The following CEMIP2 variants were observed in gnomAD, a reference collection of about 807,000 sequenced individuals.
The protein encoded by CEMIP2 is cell surface hyaluronidase CEMIP2.
CEMIP2 carries 79 observed loss-of-function variants against 146.9 expected under a neutral mutation model. The observed-to-expected ratio is 0.54, with a 90% CI of 0.45 to 0.65. The LOEUF is 0.65. Among genes scored for constraint, CEMIP2 ranks in the 30% least tolerant of loss-of-function variants. The probability of loss-of-function intolerance (pLI) is 0.00; values close to 1 mark genes in which losing one functional copy is unlikely to be tolerated. For missense variants in CEMIP2, 1,596 were observed against 1,696.2 expected, an observed-to-expected ratio of 0.94 and a Z score of 1.04; for synonymous variants, 601 against 606.3, an observed-to-expected ratio of 0.99 and a Z score of 0.13.
chr9:71,741,701 T>C (rs1422452302), intron 4 of CEMIP2, among the ~76,000 whole-genome samples: 8 of 134,892 alleles, frequency 5.9e-5, no homozygotes, highest in South Asian at 2.6e-4. Flanking sequence ...TGCAATGGCG[T>C]GATCTCGGCT....
At position 71,745,222 on chromosome 9, in the gene CEMIP2, G is replaced by C; in HGVS notation, c.830C>G (p.Ala277Gly). 4 of 1,613,972 alleles carry C rather than the reference G, an allele frequency of 2.5e-6. No homozygotes were observed. In the South Asian group the frequency reaches 4.4e-5, roughly 18 times the overall value. ...LNVRVIDQDT[A>G]KILESERFDT... ...AAATCTCTCACTTTCCAAAATTTTG[G>C]CCGTGTCTTGGTCAATGACCCTCAC... Residue 277 changes from alanine (A) to glycine (G), a missense_variant, in exon 4 of 24, where the codon GCC becomes GGC. Ala to Gly is a moderately conservative substitution (Grantham distance 60, BLOSUM62 0). Transcript: ENST00000377044.
chr9:71,741,295 T>C (rs1007749278), intron 4 of CEMIP2, among the ~76,000 whole-genome samples: 1 of 143,990 alleles, frequency 6.9e-6, no homozygotes, highest in African/African-American at 2.6e-5. Context: ...CCTCCCAGGT[T>C]CAAGCAATTC....
chr9:71,716,441 G>T, intron 14 of CEMIP2, 76 bp downstream of exon 14: 1 of 1,183,152 alleles, frequency 8.5e-7, no homozygotes, highest in Non-Finnish European at 1.2e-6. Flanking sequence ...AAACATTCCT[G>T]TGTATTATCA....
chr9:71,689,872 T>C (rs1822174756), intron 22 of CEMIP2, among the ~76,000 whole-genome samples: 1 of 152,222 alleles, frequency 6.6e-6, no homozygotes, highest in African/African-American at 2.4e-5. Context: ...TTGCAAAATG[T>C]TGCAACATCC....
At chr9:71,698,282 C>A in intron 19 of CEMIP2, 78 bp from the exon 20 acceptor site, 1 of 1,196,310 alleles carries the variant, frequency 8.4e-7, no homozygotes, top group South Asian at 1.4e-5. Flanking sequence ...CAGCTCATGG[C>A]CAAAAGGGAT....
chr9:71,737,085 G>A (rs1366554188), intron 5 of CEMIP2, among the ~76,000 whole-genome samples: 2 of 150,394 alleles, frequency 1.3e-5, no homozygotes, highest in Non-Finnish European at 3.0e-5. Flanking sequence ...AAGCCCAGGA[G>A]GTCAAGGCTG....
At chr9:71,757,038 G>T (rs2132035307) in intron 1 of CEMIP2, among the ~76,000 whole-genome samples, 1 of 152,296 alleles carries the variant, frequency 6.6e-6, no homozygotes, top group East Asian at 1.9e-4. Context: ...CTGCTGAGAT[G>T]TTAATATGCA....
At chr9:71,766,358 C>A (rs1824796019) in intron 1 of CEMIP2, among the ~76,000 whole-genome samples, 1 of 152,168 alleles carries the variant, frequency 6.6e-6, no homozygotes, top group Admixed American at 6.5e-5. Context: ...CAGGCGTGAG[C>A]CAATTGTGCC....
chr9:71,755,119 T>C (rs1042753753), intron 1 of CEMIP2, among the ~76,000 whole-genome samples: 1 of 150,244 alleles, frequency 6.7e-6, no homozygotes, highest in Non-Finnish European at 1.5e-5. Context: ...TATTTGGTAA[T>C]AAATTACAGT....
rs1413898770 is a variant in CEMIP2 at position 71,690,226 on chromosome 9, G to A, written c.3717C>T (p.Thr1239=). 1 of 1,613,926 alleles carries A rather than the reference G, an allele frequency of 6.2e-7. No homozygotes were observed. The highest frequency in any genetic ancestry group is 2.2e-5 in the East Asian group (1 of 44,888). Residue 1239 remains threonine (T), a synonymous_variant, in exon 22 of 24, where the codon ACC becomes ACT. Coordinates refer to ENST00000377044, the MANE Select transcript of CEMIP2 (RefSeq NM_013390.3). Reference sequence around the variant, plus strand: ...GGAGGAGGACGCCTGCACTTCGGAAGGTAAAGTCAGTGCCATTGACCTGAG... The same window carrying A: ...GGAGGAGGACGCCTGCACTTCGGAAAGTAAAGTCAGTGCCATTGACCTGAG... ...SVISVNGTDF[T]FRSAGVLLLV...
At chr9:71,686,456 T>C (rs1270050410) in intron 22 of CEMIP2, 5 of 153,462 alleles carry the variant, frequency 3.3e-5, no homozygotes, top group African/African-American at 1.2e-4. Context: ...TCATTATATA[T>C]TGCAATGTAA....
At position 71,685,327 on chromosome 9, in the gene CEMIP2, G is replaced by C. The variant is rs1822021336; in HGVS notation, c.4022C>G (p.Pro1341Arg). 1 of 1,606,644 alleles carries C rather than the reference G, an allele frequency of 6.2e-7. No homozygotes were observed. Among genetic ancestry groups the C allele is most frequent in the Non-Finnish European group, 8.5e-7 (1 of 1,179,260 alleles). ...KPSWTKLFTS[P>R]AGQGLGVLEQ... is the part of the protein sequence containing the mutation. ...AAGCACCCCAAGGCCCTGTCCAGCA[G>C]GACTGGTAAATAGCTTAGTCCATGA... The change falls in exon 24 of 24, where the codon CCT becomes CGT. Residue 1341 changes from proline to arginine, a missense_variant. Coordinates refer to ENST00000377044, the MANE Select transcript of CEMIP2 (RefSeq NM_013390.3).
intron 19 of CEMIP2, among the ~76,000 whole-genome samples, chr9:71,700,320 T>G (rs1243487956): frequency 1.3e-5 from 2 of 152,206 alleles, no homozygotes; most frequent in Non-Finnish European, 2.9e-5. Flanking sequence ...CTATATCACA[T>G]GTAAATAATC....
Position 71,762,288 on chromosome 9 carries a change from A to G in CEMIP2, c.-13+6069T>C, listed in dbSNP as rs115284178. On this transcript the variant is annotated intron_variant, in intron 1 of 23. Coordinates refer to ENST00000377044, the MANE Select transcript of CEMIP2 (RefSeq NM_013390.3). ...AATGAACAAGTAATTACTCAGCACT[A>G]GAGTGGCAGCTGGACTTCACTTAGC... is the stretch of plus-strand genomic sequence containing the variant. 1.6e-3 allele frequency among the ~76,000 whole-genome samples: 250 copies of G among 152,236 alleles called. 1 individual carries two copies. Among genetic ancestry groups the G allele is most frequent in the African/African-American group, 5.6e-3 (233 of 41,530 alleles).
chr9:71,743,669 G>A (rs189228138), intron 4 of CEMIP2, among the ~76,000 whole-genome samples: 1 of 152,100 alleles, frequency 6.6e-6, no homozygotes, highest in South Asian at 2.1e-4. Flanking sequence ...CATCTATTTA[G>A]GTCTCTGTTT....
intron 1 of CEMIP2, among the ~76,000 whole-genome samples, chr9:71,756,502 T>TCACA (rs1354053174): frequency 8.6e-5 from 9 of 104,764 alleles, no homozygotes; most frequent in African/African-American, 1.8e-4. Flanking sequence ...TCTCTCTCTC[T>TCACA]CTCTCACACA....
intron 1 of CEMIP2, among the ~76,000 whole-genome samples, chr9:71,752,651 A>G (rs1204789413): frequency 6.6e-6 from 1 of 152,002 alleles, no homozygotes; most frequent in Admixed American, 6.6e-5. Context: ...GACTTCATTC[A>G]ATACCCTTAC....
At chr9:71,742,171 T>C (rs1179065576) in intron 4 of CEMIP2, among the ~76,000 whole-genome samples, 1 of 152,234 alleles carries the variant, frequency 6.6e-6, no homozygotes, top group Non-Finnish European at 1.5e-5. Flanking sequence ...AACCGAAGCA[T>C]GCCTACACCC....
At chr9:71,728,275 A>ATG (rs1823482080) in intron 10 of CEMIP2, among the ~76,000 whole-genome samples, 4 of 12,704 alleles carry the variant, frequency 3.1e-4, no homozygotes, top group African/African-American at 5.6e-4. Flanking sequence ...ATATATATAT[A>ATG]TATATGTATA....
Sources: gnomAD v4.1 joint callset for allele counts (sites outside exome capture counted in the v4.1 genomes callset) on GRCh38, gnomAD v4.1.1 for gene constraint, MANE v1.5 for transcripts, NCBI Gene and HGNC (gene_info 2026-07-23, HGNC 2026-07-21) for gene names.